The following CALCRL variants were observed in gnomAD, a reference collection of about 807,000 sequenced individuals.
CALCRL encodes calcitonin gene-related peptide type 1 receptor.
CALCRL carries 27 observed loss-of-function variants against 60.4 expected under a neutral mutation model. The ratio of observed to expected loss-of-function variants is 0.45; its 90% confidence interval spans 0.33 to 0.62. CALCRL has a LOEUF of 0.62. Among genes scored for constraint, CALCRL ranks in the 20% least tolerant of loss-of-function variants. The probability of loss-of-function intolerance (pLI) is 0.03; values close to 1 mark genes in which losing one functional copy is unlikely to be tolerated. For synonymous variants in CALCRL, 190 were observed against 182.6 expected (o/e 1.04, Z -0.33); for missense variants, 424 against 540.7 (o/e 0.78, Z 2.14).
intron 1 of CALCRL, among the ~76,000 whole-genome samples, chr2:187,411,163 G>A (rs927913270): frequency 1.3e-5 from 2 of 151,996 alleles, no homozygotes; most frequent in Non-Finnish European, 2.9e-5. Context: ...AATACTGAAA[G>A]AAATGTACTG....
At chr2:187,442,722 G>A (rs543631392) in intron 1 of CALCRL, among the ~76,000 whole-genome samples, 1 of 151,802 alleles carries the variant, frequency 6.6e-6, no homozygotes, top group African/African-American at 2.4e-5. Flanking sequence ...AAAATTTTCC[G>A]ACAGATGTCT....
chr2:187,396,827 A>G (rs1688674557), intron 1 of CALCRL, among the ~76,000 whole-genome samples: 1 of 151,742 alleles, frequency 6.6e-6, no homozygotes, highest in African/African-American at 2.4e-5. Flanking sequence ...CTGGTTAATG[A>G]TACAGTTTTT....
At chr2:187,434,416 G>A (rs529747334) in intron 1 of CALCRL, among the ~76,000 whole-genome samples, 1 of 152,200 alleles carries the variant, frequency 6.6e-6, no homozygotes, top group East Asian at 1.9e-4. Flanking sequence ...TAAGGAAAAT[G>A]CAGATTAAAA....
chr2:187,437,780 G>T (rs1263156570), intron 1 of CALCRL, among the ~76,000 whole-genome samples: 3 of 152,116 alleles, frequency 2.0e-5, no homozygotes, highest in Non-Finnish European at 4.4e-5. Flanking sequence ...GTGGTAGGAA[G>T]AAGCCATTTG....
At chr2:187,406,778 T>C (rs1465773142) in intron 1 of CALCRL, among the ~76,000 whole-genome samples, 1 of 152,026 alleles carries the variant, frequency 6.6e-6, no homozygotes, top group Non-Finnish European at 1.5e-5. Flanking sequence ...CAGTCTTACT[T>C]GGTTTATTTC....
At chr2:187,400,179 A>G (rs539089529) in intron 1 of CALCRL, among the ~76,000 whole-genome samples, 6 of 151,558 alleles carry the variant, frequency 4.0e-5, no homozygotes, top group African/African-American at 9.7e-5. Flanking sequence ...CATTGTATGT[A>G]TTGAAATATC....
At chr2:187,396,725 A>G (rs960246804) in intron 1 of CALCRL, among the ~76,000 whole-genome samples, 3 of 151,780 alleles carry the variant, frequency 2.0e-5, no homozygotes, top group African/African-American at 7.2e-5. Flanking sequence ...AAAGTATTTT[A>G]TTTTTGAAGA....
At chr2:187,447,270 C>A (rs1215402023) in intron 1 of CALCRL, among the ~76,000 whole-genome samples, 2 of 151,818 alleles carry the variant, frequency 1.3e-5, no homozygotes, top group African/African-American at 2.4e-5. Flanking sequence ...ATCACACCCC[C>A]CTCCAAAAGC....
chr2:187,401,991 GGAAA>G (rs988657001), intron 1 of CALCRL, among the ~76,000 whole-genome samples: 3 of 150,812 alleles, frequency 2.0e-5, no homozygotes, highest in Non-Finnish European at 4.4e-5. Flanking sequence ...AAGGAAGAAG[GGAAA>G]GAAGGAAGGA....
At chr2:187,396,686 T>G (rs1327203732) in intron 1 of CALCRL, among the ~76,000 whole-genome samples, 1 of 151,794 alleles carries the variant, frequency 6.6e-6, no homozygotes, top group Non-Finnish European at 1.5e-5. Context: ...TTTTTAAAAG[T>G]CATCAAAAAC....
chr2:187,413,252 A>G (rs900138307), intron 1 of CALCRL, among the ~76,000 whole-genome samples: 2 of 152,088 alleles, frequency 1.3e-5, no homozygotes, highest in African/African-American at 2.4e-5. Flanking sequence ...GACAAAAGAC[A>G]GGGAAAAAAA....
intron 1 of CALCRL, among the ~76,000 whole-genome samples, chr2:187,412,744 C>T (rs1011681190): frequency 1.3e-5 from 2 of 152,122 alleles, no homozygotes; most frequent in Non-Finnish European, 2.9e-5. Flanking sequence ...GGCCTTAAGG[C>T]TTAATCTAAT....
At chr2:187,384,274 C>G (rs1440493924) in intron 4 of CALCRL, among the ~76,000 whole-genome samples, 1 of 151,918 alleles carries the variant, frequency 6.6e-6, no homozygotes, top group South Asian at 2.1e-4. Context: ...TAGTGCTACA[C>G]AAGTAATACA....
rs766508590 is a variant in CALCRL at position 187,378,947 on chromosome 2, A to G, written c.493T>C (p.Tyr165His). Residue 165 changes from tyrosine (Y) to histidine (H), a missense_variant, in exon 8 of 15, where the codon TAT becomes CAT. By Grantham distance (83) the Tyr-to-His change is moderately conservative. Around this residue, in one of 7 missense-constraint regions of CALCRL, gnomAD observed 43 missense variants for 46.6 expected, o/e 0.92. Transcript: ENST00000392370. ...SLLISLGIFF[Y>H]FKSLSCQRIT... The stretch of plus-strand genomic sequence containing the variant: ...TATTTTAAATTTACTTACTTGAAAT[A>G]AAAGAATATGCCAAGCGAGATAAGC... 1 of 1,590,008 alleles carries G rather than the reference A, an allele frequency of 6.3e-7. No individual in the cohort carries two copies. Among genetic ancestry groups the G allele is most frequent in the South Asian group, 1.1e-5 (1 of 89,236 alleles).
intron 1 of CALCRL, among the ~76,000 whole-genome samples, chr2:187,408,359 A>G (rs1689222295): frequency 6.6e-6 from 1 of 152,022 alleles, no homozygotes; most frequent in Non-Finnish European, 1.5e-5. Flanking sequence ...TAATAAATGA[A>G]TAGGGCAACA....
At chr2:187,363,260 C>T (rs891430812) in intron 9 of CALCRL, 116 bp downstream of exon 9, 2 of 989,540 alleles carry the variant, frequency 2.0e-6, no homozygotes, top group African/African-American at 3.4e-5. Context: ...ATATATATGT[C>T]AGACTTGAAA....
chr2:187,438,114 A>G (rs1690730973), intron 1 of CALCRL, among the ~76,000 whole-genome samples: 1 of 152,198 alleles, frequency 6.6e-6, no homozygotes, highest in African/African-American at 2.4e-5. Flanking sequence ...AAAGAAAACA[A>G]TAAAGTTAAC....
intron 5 of CALCRL, 72 bp from the exon 6 acceptor site, chr2:187,380,859 G>T: frequency 8.6e-7 from 1 of 1,164,688 alleles, no homozygotes; most frequent in Admixed American, 2.0e-5. Context: ...TTTTAAAAGT[G>T]GTTTCACACT....
chr2:187,431,307 G>A (rs1461836572), intron 1 of CALCRL: 2 of 154,990 alleles, frequency 1.3e-5, no homozygotes, highest in Non-Finnish European at 2.9e-5. Context: ...CTGAAAGTAG[G>A]GCCATCCAAA....
Sources: allele counts gnomAD v4.1 joint callset (sites outside exome capture counted in the v4.1 genomes callset), GRCh38; gene constraint gnomAD v4.1.1; regional missense constraint gnomAD v4.1.1; transcripts MANE v1.5; gene names NCBI Gene and HGNC (gene_info 2026-07-23, HGNC 2026-07-21).